The following INPP5B variants were observed in gnomAD, a reference collection of about 807,000 sequenced individuals.
INPP5B encodes the protein type II inositol 1,4,5-trisphosphate 5-phosphatase.
A neutral mutation model predicts 118.5 loss-of-function variants in INPP5B; 90 were observed. That is an observed-to-expected ratio of 0.76 (90% CI 0.64 to 0.90). The LOEUF (loss-of-function observed/expected upper bound fraction) is 0.90, where lower values mean the gene tolerates loss of function less well. Among genes scored for constraint, INPP5B ranks in the 40% least tolerant of loss-of-function variants. INPP5B has a pLI of 0.00. For synonymous variants in INPP5B, 385 were observed against 418.9 expected (o/e 0.92, Z 0.99); for missense variants, 984 against 1,125.6 (o/e 0.87, Z 1.80).
chr1:37,887,072 G>T (rs1254161084), intron 11 of INPP5B, 68 bp from the exon 12 acceptor site: 1 of 1,314,760 alleles, frequency 7.6e-7, no homozygotes, highest in East Asian at 2.3e-5. Context: ...AGGAAACATA[G>T]TCTGGAAGCT....
rs746065090 is a variant in INPP5B at position 37,864,345 on chromosome 1, A to G, written c.2593T>C (p.Ser865Pro). ...TTCTCATCCAAATGATTTTTTGCTG[A>G]ATTTTTCAGCAGTTCTCGCAAAAAC... ...MAFLRELLKN[S>P]AKNHLDENIL... The change falls in exon 23 of 24, where the codon TCA (serine) becomes CCA (proline). Residue 865 changes from serine to proline, a missense_variant. Physicochemically the swap from Ser to Pro is moderately conservative, Grantham distance 74. Around this residue, in one of 2 missense-constraint regions of INPP5B, gnomAD observed 634 missense variants for 791.0 expected, o/e 0.80. Transcript: ENST00000373024. The G allele has an allele frequency of 6.2e-7, 1 of 1,611,960 alleles. No homozygotes were observed. The highest frequency in any genetic ancestry group is 8.5e-7 in the Non-Finnish European group (1 of 1,178,230).
chr1:37,919,918 G>C (rs997881617), intron 7 of INPP5B, among the ~76,000 whole-genome samples: 27 of 152,048 alleles, frequency 1.8e-4, no homozygotes, highest in African/African-American at 6.5e-4. Context: ...CTCCAGCCTG[G>C]GCAACACAGC....
In INPP5B at chr1:37,897,141, C is replaced by T. The variant is rs1423278093; in HGVS notation, c.533-5687G>A. ...GTCAGACCCCCGTCCGGCCAGCCGCCCTGTCCGGGAGGTGAGGGGCGCCTC... is the reference window on the plus strand; with the variant it reads ...GTCAGACCCCCGTCCGGCCAGCCGCTCTGTCCGGGAGGTGAGGGGCGCCTC... On this transcript the variant is annotated intron_variant, in intron 7 of 23. Transcript: ENST00000373024. 2.0e-5 allele frequency among the ~76,000 whole-genome samples: 3 copies of T among 151,756 alleles called. No individual in the cohort carries two copies. The East Asian group carries it at 5.9e-4, about 30-fold the overall frequency.
At chr1:37,906,290 G>A (rs998302016) in intron 7 of INPP5B, among the ~76,000 whole-genome samples, 1 of 152,138 alleles carries the variant, frequency 6.6e-6, no homozygotes, top group East Asian at 1.9e-4. Context: ...AGTTATCTTG[G>A]AACCTCAAGA....
rs1209168628 is a variant in INPP5B at position 37,896,456 on chromosome 1, G to A, written c.533-5002C>T. 1.5e-4 allele frequency among the ~76,000 whole-genome samples: 23 copies of A among 149,928 alleles called. 1 individual carries two copies. The South Asian group carries it at 1.7e-3, about 11-fold the overall frequency. ...AGCCCCCCGCCCGGCCAGCTGCCCCGTCCGGGAGGGAGGTGGGGGGATCAG... is the reference window on the plus strand; with the variant it reads ...AGCCCCCCGCCCGGCCAGCTGCCCCATCCGGGAGGGAGGTGGGGGGATCAG... On this transcript the variant is annotated intron_variant, in intron 7 of 23. Transcript: ENST00000373024.
intron 6 of INPP5B, among the ~76,000 whole-genome samples, chr1:37,936,846 C>G (rs1339340609): frequency 6.6e-6 from 1 of 151,522 alleles, no homozygotes; most frequent in Non-Finnish European, 1.5e-5. Context: ...GGATTACAGG[C>G]ATGAGCCACC....
At chr1:37,944,659 G>A (rs1570431862) in intron 3 of INPP5B, among the ~76,000 whole-genome samples, 1 of 150,954 alleles carries the variant, frequency 6.6e-6, no homozygotes. Context: ...GTAGTTCACT[G>A]TAATCTCAAA....
At position 37,885,753 on chromosome 1, in the gene INPP5B, C is replaced by T. The variant is rs1191278159; in HGVS notation, c.1204G>A (p.Ala402Thr). 1 of 1,614,008 alleles carries T rather than the reference C, an allele frequency of 6.2e-7. No individual in the cohort carries two copies. Among genetic ancestry groups the T allele is most frequent in the Non-Finnish European group, 8.5e-7 (1 of 1,180,000 alleles). The change falls in exon 13 of 24, where the codon GCA (alanine) becomes ACA (threonine). Residue 402 changes from alanine (A) to threonine (T), a missense_variant. Physicochemically the swap from Ala to Thr is moderately conservative, Grantham distance 58. Transcript: ENST00000373024. ...CTCTCATACTCTTCAATGTGGGCTG[C>T]CAAGTGAGAATTCACAACGCAGATG... is the stretch of plus-strand genomic sequence containing the variant. The part of the protein sequence containing the change: ...TSICVVNSHL[A>T]AHIEEYERRN...
intron 7 of INPP5B, among the ~76,000 whole-genome samples, chr1:37,917,909 C>T (rs1644928392): frequency 6.6e-6 from 1 of 152,212 alleles, no homozygotes; most frequent in Non-Finnish European, 1.5e-5. Flanking sequence ...CTGTCCAGCC[C>T]TGTCTGAGCT....
At chr1:37,875,368 A>C (rs1209339516) in intron 17 of INPP5B, among the ~76,000 whole-genome samples, 2 of 152,094 alleles carry the variant, frequency 1.3e-5, no homozygotes, top group Non-Finnish European at 2.9e-5. Context: ...TCCCAGGTTC[A>C]CGTCATTCTC....
Position 37,873,533 on chromosome 1 carries a change from G to A in INPP5B, c.1952-368C>T, listed in dbSNP as rs548675928. The A allele has an allele frequency of 1.0e-4, 33 of 325,458 alleles. No individual in the cohort carries two copies. In the Admixed American group the frequency reaches 1.2e-3, roughly 11 times the overall value. 20.2% of individuals were successfully genotyped at this position (325,458 alleles called of 1,614,324 possible). On this transcript the variant is annotated intron_variant, in intron 18 of 23. Coordinates refer to ENST00000373024, the MANE Select transcript of INPP5B (RefSeq NM_005540.3). The stretch of plus-strand genomic sequence containing the variant: ...TCAGTAGAAGTGTAACGCAATTATC[G>A]GCCTGTGAATTGTCCACAAAACACC...
intron 7 of INPP5B, among the ~76,000 whole-genome samples, chr1:37,909,777 A>G (rs1570250662): frequency 6.6e-6 from 1 of 152,266 alleles, no homozygotes; most frequent in East Asian, 1.9e-4. Context: ...CCTCACCTTC[A>G]AGGGGTACAG....
chr1:37,882,966 C>T, intron 13 of INPP5B, 48 bp from the exon 14 acceptor site: 1 of 1,610,454 alleles, frequency 6.2e-7, no homozygotes, highest in Non-Finnish European at 8.5e-7. Context: ...GGAACTTTAA[C>T]CTGATCTACC....
At chr1:37,879,091 G>A (rs1047956626) in intron 15 of INPP5B, among the ~76,000 whole-genome samples, 8 of 150,596 alleles carry the variant, frequency 5.3e-5, no homozygotes, top group Non-Finnish European at 8.9e-5. Flanking sequence ...GGCCAACATG[G>A]TGAAACCCCG....
intron 6 of INPP5B, among the ~76,000 whole-genome samples, chr1:37,940,471 G>A (rs533225126): frequency 6.6e-6 from 1 of 152,266 alleles, no homozygotes. Context: ...GAGCAAAGGG[G>A]CCCTGCTGTA....
At chr1:37,943,491 C>A in intron 5 of INPP5B, 149 bp downstream of exon 5, 1 of 741,716 alleles carries the variant, frequency 1.3e-6, no homozygotes. Flanking sequence ...GGGAGATGAG[C>A]CCACGGAGAT....
rs751620300 is a variant in INPP5B at position 37,875,717 on chromosome 1, C to T, written c.1678-1G>A. The T allele has an allele frequency of 6.2e-7, 1 of 1,611,128 alleles. No individual in the cohort carries two copies. Among genetic ancestry groups the T allele is most frequent in the South Asian group, 1.1e-5 (1 of 90,982 alleles). On this transcript the variant is annotated splice_acceptor_variant, in intron 16 of 23. Coordinates refer to ENST00000373024, the MANE Select transcript of INPP5B (RefSeq NM_005540.3). LOFTEE classifies it high-confidence loss of function. Reference sequence around the variant, plus strand: ...AAAGCTCGTCATTTACGACCCTCACCTGAAAGGGAAACATCAGAGACTGAG... The same window carrying T: ...AAAGCTCGTCATTTACGACCCTCACTTGAAAGGGAAACATCAGAGACTGAG...
At chr1:37,936,537 C>T (rs547349118) in intron 6 of INPP5B, among the ~76,000 whole-genome samples, 1 of 152,106 alleles carries the variant, frequency 6.6e-6, no homozygotes, top group African/African-American at 2.4e-5. Flanking sequence ...AAGAGAATCG[C>T]TTGAACCCGG....
chr1:37,933,999 T>A (rs1645594616), intron 6 of INPP5B, among the ~76,000 whole-genome samples: 1 of 151,888 alleles, frequency 6.6e-6, no homozygotes, highest in Non-Finnish European at 1.5e-5. Flanking sequence ...AGTAACGTGA[T>A]CTCTGCTTAC....
Sources: allele counts gnomAD v4.1 joint callset (sites outside exome capture counted in the v4.1 genomes callset), GRCh38; gene constraint gnomAD v4.1.1; regional missense constraint gnomAD v4.1.1; transcripts MANE v1.5; gene names NCBI Gene and HGNC (gene_info 2026-07-23, HGNC 2026-07-21).